Variants in CACNA1E observed in about 807,000 individuals in gnomAD.
CACNA1E encodes calcium voltage-gated channel subunit alpha1 E, also known as voltage-dependent R-type calcium channel subunit alpha-1E.
CACNA1E carries 40 observed loss-of-function variants against 259.2 expected under a neutral mutation model. The ratio of observed to expected loss-of-function variants is 0.15; its 90% CI spans 0.12 to 0.20. CACNA1E has a LOEUF of 0.20. Ranked by LOEUF, CACNA1E falls within the 10% of genes least tolerant of loss-of-function variation. CACNA1E has a pLI of 1.00. For missense variants in CACNA1E, 1,874 were observed against 3,040.1 expected, an observed-to-expected ratio of 0.62 and a Z score of 9.02; for synonymous variants, 1,104 against 1,138.5, an observed-to-expected ratio of 0.97 and a Z score of 0.61.
chr1:181,724,361 G>T, intron 16 of CACNA1E, 109 bp from the exon 17 acceptor site: 2 of 792,326 alleles, frequency 2.5e-6, no homozygotes, highest in Non-Finnish European at 2.2e-6. Context: ...CTTCAGGGTA[G>T]CTTCTGTTCC....
At chr1:181,369,785 C>T (rs750283927) in intron 1 of CACNA1E, among the ~76,000 whole-genome samples, 2 of 152,168 alleles carry the variant, frequency 1.3e-5, no homozygotes, top group African/African-American at 4.8e-5. Flanking sequence ...GTAGGAAATT[C>T]GACTTTGTCT....
Position 181,418,675 on chromosome 1 carries a change from A to AT in CACNA1E, c.434+5101dup, listed in dbSNP as rs572777745. Among the ~76,000 whole-genome samples, 29 of 152,050 alleles carry AT rather than the reference A, an allele frequency of 1.9e-4. No individual in the cohort carries two copies. In the East Asian group the frequency reaches 4.5e-3, roughly 23 times the overall value. ...TAGTTTTCTCTTTCATTAAACCTAC[A>AT]TTTTTTCTGTTGCTGGGGCCAGAAA... On this transcript the variant is annotated intron_variant, in intron 2 of 11. Transcript: ENST00000524607.
chr1:181,506,181 C>T (rs928920542), intron 1 of CACNA1E, among the ~76,000 whole-genome samples: 7 of 152,188 alleles, frequency 4.6e-5, no homozygotes, highest in African/African-American at 9.7e-5. Context: ...GAGGCCGTGG[C>T]GACTCGGAGC....
At chr1:181,653,569 T>C (rs575294023) in intron 7 of CACNA1E, among the ~76,000 whole-genome samples, 2 of 152,304 alleles carry the variant, frequency 1.3e-5, no homozygotes, top group East Asian at 3.9e-4. Flanking sequence ...CTGTGCTCCC[T>C]CCAAGGGCTC....
chr1:181,548,472 A>G (rs11580052), intron 3 of CACNA1E, among the ~76,000 whole-genome samples: 62,152 of 152,090 alleles, frequency 0.41, 14,298 homozygotes, highest in East Asian at 0.5. Flanking sequence ...TGTCATATGG[A>G]TAATTATGAA....
intron 1 of CACNA1E, among the ~76,000 whole-genome samples, chr1:181,409,331 A>G (rs1371465634): frequency 1.3e-5 from 2 of 152,208 alleles, no homozygotes; most frequent in Non-Finnish European, 2.9e-5. Flanking sequence ...GGGCATTTAA[A>G]TGCTACCCTT....
chr1:181,495,352 G>A (rs1664658062), intron 1 of CACNA1E, among the ~76,000 whole-genome samples: 1 of 152,140 alleles, frequency 6.6e-6, no homozygotes, highest in South Asian at 2.1e-4. Context: ...TGTGCCTCAG[G>A]CAACCTGCTT....
intron 3 of CACNA1E, among the ~76,000 whole-genome samples, chr1:181,551,354 G>A (rs1298262964): frequency 2.0e-5 from 3 of 152,200 alleles, no homozygotes. Flanking sequence ...CATGGTGATG[G>A]TGGGTGGTTG....
intron 1 of CACNA1E, among the ~76,000 whole-genome samples, chr1:181,382,880 A>G (rs539361948): frequency 4.1e-4 from 62 of 152,138 alleles, no homozygotes; most frequent in African/African-American, 1.4e-3. Flanking sequence ...TGTGTTGTAA[A>G]GTGGGACTCA....
chr1:181,704,931 C>T (rs1180598982), intron 7 of CACNA1E, among the ~76,000 whole-genome samples: 2 of 152,136 alleles, frequency 1.3e-5, no homozygotes, highest in African/African-American at 4.8e-5. Context: ...GTCCAGGTGC[C>T]CTGTGACTGA....
intron 37 of CACNA1E, among the ~76,000 whole-genome samples, chr1:181,773,309 G>A (rs535732581): frequency 1.3e-5 from 2 of 152,250 alleles, no homozygotes; most frequent in South Asian, 2.1e-4. Context: ...AGCCCACGCA[G>A]TAGTCTTGGC....
chr1:181,741,577 C>T (rs1025773224), intron 25 of CACNA1E, among the ~76,000 whole-genome samples: 3 of 152,190 alleles, frequency 2.0e-5, no homozygotes, highest in Non-Finnish European at 4.4e-5. Flanking sequence ...TGCCTATGCC[C>T]GTGTGCCTGG....
chr1:181,534,941 A>G (rs944134913), intron 3 of CACNA1E, among the ~76,000 whole-genome samples: 1 of 152,158 alleles, frequency 6.6e-6, no homozygotes, highest in Non-Finnish European at 1.5e-5. Flanking sequence ...ATGACACTAG[A>G]AAATTGAAAA....
chr1:181,680,635 T>C (rs1394127340), intron 7 of CACNA1E, among the ~76,000 whole-genome samples: 1 of 152,188 alleles, frequency 6.6e-6, no homozygotes, highest in Non-Finnish European at 1.5e-5. Context: ...GCTTTTTACA[T>C]CTTGCCAGAC....
chr1:181,373,016 A>T (rs1654820025), intron 1 of CACNA1E, among the ~76,000 whole-genome samples: 1 of 151,998 alleles, frequency 6.6e-6, no homozygotes. Flanking sequence ...TATCTTTTTG[A>T]TGTGCTGCTG....
rs1056247296 is a variant in CACNA1E, at chr1:181,492,498, A to G, written c.266+8488A>G. On this transcript the variant is annotated intron_variant, in intron 1 of 47. Transcript: ENST00000367573. Reference sequence around the variant, plus strand: ...GACCTTTTAGTTCTAGAAATATTATAGGAGCTGGAGGTGAATCCTGGTGCA... The same window carrying G: ...GACCTTTTAGTTCTAGAAATATTATGGGAGCTGGAGGTGAATCCTGGTGCA... Among the ~76,000 whole-genome samples the G allele has an allele frequency of 3.9e-5, 6 of 152,342 alleles. No individual in the cohort carries two copies. The East Asian group carries it at 9.6e-4, about 24-fold the overall frequency.
chr1:181,384,256 G>A (rs1024396420), intron 1 of CACNA1E, among the ~76,000 whole-genome samples: 2 of 152,112 alleles, frequency 1.3e-5, no homozygotes, highest in Non-Finnish European at 2.9e-5. Context: ...TAAAGTGAGG[G>A]ATACCTGCTG....
intron 1 of CACNA1E, among the ~76,000 whole-genome samples, chr1:181,330,022 GA>G (rs1214877582): frequency 6.6e-6 from 1 of 152,192 alleles, no homozygotes; most frequent in Non-Finnish European, 1.5e-5. Flanking sequence ...AGGAGGAACT[GA>G]AGCTGCTCTG....
At chr1:181,713,142 A>T (rs1653552766) in intron 8 of CACNA1E, among the ~76,000 whole-genome samples, 1 of 152,110 alleles carries the variant, frequency 6.6e-6, no homozygotes, top group Non-Finnish European at 1.5e-5. Context: ...AGGAAGGGGG[A>T]TGGCTTCAGC....
Sources: allele counts gnomAD v4.1 joint callset (sites outside exome capture counted in the v4.1 genomes callset), GRCh38; gene constraint gnomAD v4.1.1; transcripts MANE v1.5; gene names NCBI Gene and HGNC (gene_info 2026-07-23, HGNC 2026-07-21).